Variants in ARID2 observed in about 807,000 individuals in gnomAD.
ARID2 encodes AT-rich interaction domain 2.
Under a neutral mutation model 184.6 loss-of-function variants are expected in ARID2, and 32 were observed. The ratio of observed to expected loss-of-function variants is 0.17; its 90% confidence interval spans 0.13 to 0.23. The LOEUF is 0.23. Ranked by LOEUF, ARID2 falls within the 10% of genes least tolerant of loss-of-function variation. The probability of loss-of-function intolerance (pLI) is 1.00; values close to 1 mark genes in which losing one functional copy is unlikely to be tolerated. For missense variants in ARID2, 1,696 were observed against 2,197.6 expected (o/e 0.77, Z 4.56); for synonymous variants, 836 against 772.6 (o/e 1.08, Z -1.36).
At chr12:45,763,443 C>G (rs781319306) in intron 3 of ARID2, among the ~76,000 whole-genome samples, 37 of 151,764 alleles carry the variant, frequency 2.4e-4, no homozygotes, top group Non-Finnish European at 4.4e-4. Flanking sequence ...CCATTCCAGC[C>G]CAGGTGACAA....
intron 16 of ARID2, among the ~76,000 whole-genome samples, chr12:45,862,401 T>C (rs1224416673): frequency 2.6e-5 from 4 of 152,224 alleles, no homozygotes; most frequent in Non-Finnish European, 5.9e-5. Context: ...TCTTTCTTTT[T>C]AAGGTGTATG....
Position 45,877,341 on chromosome 12 carries a change from G to A in ARID2, c.4923-14439G>A, listed in dbSNP as rs185685549. 5.6e-3 allele frequency among the ~76,000 whole-genome samples: 845 copies of A among 151,910 alleles called. 6 individuals carry two copies. The highest frequency in any genetic ancestry group is 8.4e-3 in the Non-Finnish European group (569 of 67,968). On this transcript the variant is annotated intron_variant, in intron 16 of 20. Transcript: ENST00000334344. Reference sequence around the variant, plus strand: ...GGCGGCATTGGATTCTCATAGGAGCGCAAGCCCTGTTGTGAACTGTGCATG... The same window carrying A: ...GGCGGCATTGGATTCTCATAGGAGCACAAGCCCTGTTGTGAACTGTGCATG...
chr12:45,755,020 T>A (rs1211816512), intron 3 of ARID2, among the ~76,000 whole-genome samples: 1 of 152,134 alleles, frequency 6.6e-6, no homozygotes, highest in African/African-American at 2.4e-5. Context: ...TTTTTAGATA[T>A]GAGGAAAATG....
chr12:45,731,066 C>T (rs1360801819), intron 2 of ARID2, 151 bp from the exon 3 acceptor site: 2 of 607,396 alleles, frequency 3.3e-6, no homozygotes, highest in Non-Finnish European at 5.9e-6. Context: ...TTCAAGAAGC[C>T]CTTGCTTAGT....
chr12:45,795,415 C>T (rs983183692), intron 3 of ARID2, among the ~76,000 whole-genome samples: 20 of 151,812 alleles, frequency 1.3e-4, no homozygotes, highest in African/African-American at 4.3e-4. Flanking sequence ...TTTCTTCCTC[C>T]GTCTTCCTTT....
intron 3 of ARID2, among the ~76,000 whole-genome samples, chr12:45,792,614 T>C (rs564060788): frequency 3.8e-4 from 57 of 151,566 alleles, no homozygotes; most frequent in African/African-American, 1.4e-3. Context: ...TTAAGAGAGA[T>C]AGGTTTTAAA....
rs1944508994 is a variant in ARID2, at chr12:45,905,229, G to T, written c.*151G>T. On this transcript the variant is annotated 3_prime_UTR_variant, in exon 21 of 21. Transcript: ENST00000334344. Reference sequence around the variant, plus strand: ...ATGCTGAGAGGAAGCTTCGTATTCTGATCTCTGAGTGAATCCCTTTGTTCT... The same window carrying T: ...ATGCTGAGAGGAAGCTTCGTATTCTTATCTCTGAGTGAATCCCTTTGTTCT... The T allele has an allele frequency of 9.0e-6, 6 of 668,542 alleles. No individual in the cohort carries two copies. The highest frequency in any genetic ancestry group is 1.1e-5 in the Non-Finnish European group (5 of 444,734). The allele number at this position is 668,542 out of a possible 1,614,324, so 41.4% of individuals were successfully genotyped here.
chr12:45,904,024 T>G (rs2136472053), intron 20 of ARID2, among the ~76,000 whole-genome samples: 2 of 152,280 alleles, frequency 1.3e-5, no homozygotes, highest in Middle Eastern at 6.8e-3. Context: ...ATTTTTACCA[T>G]TTTTCTCAGC....
chr12:45,869,895 AAACAAAAAC>A (rs1943894440), intron 16 of ARID2, among the ~76,000 whole-genome samples: 2 of 152,172 alleles, frequency 1.3e-5, no homozygotes, highest in South Asian at 4.2e-4. Flanking sequence ...AAACAAAACA[AAACAAAAAC>A]AAACAAACAA....
chr12:45,832,398 T>G (rs1412969895), intron 6 of ARID2, among the ~76,000 whole-genome samples: 1 of 152,208 alleles, frequency 6.6e-6, no homozygotes, highest in Non-Finnish European at 1.5e-5. Flanking sequence ...CTTGGATCTG[T>G]GGTTTGGTAT....
chr12:45,899,756 T>TAA lies in ARID2; in HGVS notation c.5364-5177_5364-5176dup, dbSNP rs1225912834. ...ATATATGGTTTTATATATATATATA[T>TAA]AACCAAATAGTTCCCTACTTTACCC... is the stretch of plus-strand genomic sequence containing the variant. On this transcript the variant is annotated intron_variant, in intron 20 of 20. Transcript: ENST00000334344. Among the ~76,000 whole-genome samples the TAA allele has an allele frequency of 4.9e-5, 7 of 142,046 alleles. No individual in the cohort carries two copies. In the East Asian group the frequency reaches 6.0e-4, roughly 12 times the overall value. 93.2% of individuals were successfully genotyped at this position (142,046 alleles called of 152,430 possible).
chr12:45,740,888 AG>A (rs1478449935), intron 3 of ARID2, among the ~76,000 whole-genome samples: 1 of 152,202 alleles, frequency 6.6e-6, no homozygotes, highest in African/African-American at 2.4e-5. Flanking sequence ...ATTTTTGGCA[AG>A]AGACATGTCA....
At chr12:45,895,157 T>A (rs1944353770) in intron 20 of ARID2, among the ~76,000 whole-genome samples, 1 of 152,250 alleles carries the variant, frequency 6.6e-6, no homozygotes, top group African/African-American at 2.4e-5. Context: ...AAATGTTTTT[T>A]TATGTGGCTT....
At chr12:45,854,842 G>A (rs753201743) in intron 15 of ARID2, among the ~76,000 whole-genome samples, 26 of 152,312 alleles carry the variant, frequency 1.7e-4, no homozygotes, top group Admixed American at 3.3e-4. Flanking sequence ...TACTAAAGCA[G>A]TTTCTCATTT....
intron 16 of ARID2, chr12:45,874,224 A>G (rs1206720898): frequency 1.3e-5 from 2 of 152,498 alleles, no homozygotes; most frequent in Non-Finnish European, 2.9e-5. Context: ...AACTAGCCCA[A>G]GTCAGAAATG....
chr12:45,857,669 A>G (rs1397506172), intron 15 of ARID2, among the ~76,000 whole-genome samples: 1 of 152,124 alleles, frequency 6.6e-6, no homozygotes, highest in Admixed American at 6.6e-5. Flanking sequence ...CATTCACAAA[A>G]ATCTCTTTTC....
intron 16 of ARID2, among the ~76,000 whole-genome samples, chr12:45,886,024 G>C (rs374403888): frequency 2.0e-5 from 3 of 152,152 alleles, no homozygotes; most frequent in African/African-American, 7.2e-5. Flanking sequence ...GTCCCCCAGA[G>C]TCTGAGCTCA....
chr12:45,811,607 T>C (rs1435688473), intron 4 of ARID2, 56 bp downstream of exon 4: 4 of 1,581,064 alleles, frequency 2.5e-6, no homozygotes, highest in African/African-American at 2.7e-5. Context: ...ATTAGGAAAA[T>C]AGACATCATC....
At chr12:45,854,874 G>C (rs1179490478) in intron 15 of ARID2, among the ~76,000 whole-genome samples, 1 of 152,124 alleles carries the variant, frequency 6.6e-6, no homozygotes, top group African/African-American at 2.4e-5. Context: ...AACCTTATTA[G>C]GTAAAATTTA....
Sources: gnomAD v4.1 joint callset for allele counts (sites outside exome capture counted in the v4.1 genomes callset) on GRCh38, gnomAD v4.1.1 for gene constraint, MANE v1.5 for transcripts, NCBI Gene and HGNC (gene_info 2026-07-23, HGNC 2026-07-21) for gene names.